POFUT3: variants seen among roughly 807,000 people sequenced by gnomAD.
POFUT3 encodes GDP-fucose protein O-fucosyltransferase 3.
At chr8:33,417,690 G>A in the POFUT3 span, among the ~76,000 whole-genome samples, 1 of 152,110 alleles carries the variant, frequency 6.6e-6, no homozygotes, top group Non-Finnish European at 1.5e-5. Context: ...CAAGAAGGCT[G>A]AATAAGAAGC....
chr8:33,348,083 CAGG>C, the POFUT3 span, among the ~76,000 whole-genome samples: 2 of 150,194 alleles, frequency 1.3e-5, no homozygotes, highest in Non-Finnish European at 2.9e-5. Context: ...GAGGCTGAAG[CAGG>C]AGAATTCCTT....
chr8:33,422,408 G>A, the POFUT3 span, among the ~76,000 whole-genome samples: 1 of 151,784 alleles, frequency 6.6e-6, no homozygotes, highest in Non-Finnish European at 1.5e-5. Flanking sequence ...CGGGTGTGGT[G>A]GTGGGGGGTG....
At chr8:33,320,431 G>T in the POFUT3 span, among the ~76,000 whole-genome samples, 2 of 151,820 alleles carry the variant, frequency 1.3e-5, no homozygotes, top group East Asian at 1.9e-4. Context: ...AATTCTTCTG[G>T]CATGTTAGGA....
the POFUT3 span, among the ~76,000 whole-genome samples, chr8:33,462,169 G>A: frequency 1.7e-4 from 1 of 6,052 alleles, no homozygotes; most frequent in African/African-American, 7.6e-4. Context: ...AAGGGGAAGG[G>A]ACCAGAGTGG....
the POFUT3 span, among the ~76,000 whole-genome samples, chr8:33,323,585 A>T: frequency 2.6e-5 from 4 of 152,124 alleles, no homozygotes; most frequent in African/African-American, 9.7e-5. Context: ...GTAAGTAATG[A>T]GCTTGTCCCT....
At chr8:33,351,854 A>C in the POFUT3 span, among the ~76,000 whole-genome samples, 2 of 152,340 alleles carry the variant, frequency 1.3e-5, no homozygotes, top group Non-Finnish European at 2.9e-5. Context: ...AAAAACTAGC[A>C]AAGTCATTAG....
chr8:33,340,184 T>G, the POFUT3 span, among the ~76,000 whole-genome samples: 1 of 152,120 alleles, frequency 6.6e-6, no homozygotes, highest in African/African-American at 2.4e-5. Context: ...AAAGTTCGTG[T>G]ATATGTGATG....
the POFUT3 span, chr8:33,389,063 C>A: frequency 6.2e-7 from 1 of 1,614,190 alleles, no homozygotes; most frequent in East Asian, 2.2e-5. Context: ...TCCCCATTTC[C>A]GTTCCCTGAG....
chr8:33,396,549 T>C, the POFUT3 span, among the ~76,000 whole-genome samples: 1 of 152,308 alleles, frequency 6.6e-6, no homozygotes, highest in East Asian at 1.9e-4. Flanking sequence ...CCTAGGCTTC[T>C]ATTTTCCCTT....
chr8:33,343,316 T>C, the POFUT3 span, among the ~76,000 whole-genome samples: 3 of 152,208 alleles, frequency 2.0e-5, no homozygotes, highest in Admixed American at 6.5e-5. Context: ...CTTCATCTGA[T>C]GGATACTGAT....
chr8:33,338,310 A>G, the POFUT3 span, among the ~76,000 whole-genome samples: 1 of 151,694 alleles, frequency 6.6e-6, no homozygotes, highest in Non-Finnish European at 1.5e-5. Flanking sequence ...GGTGAATTCT[A>G]CCCAATTTTT....
the POFUT3 span, among the ~76,000 whole-genome samples, chr8:33,455,451 G>C: frequency 1.1e-4 from 17 of 152,124 alleles, no homozygotes; most frequent in Non-Finnish European, 2.9e-5. Context: ...TTGAGTCCAG[G>C]AGTTCAAGGC....
the POFUT3 span, among the ~76,000 whole-genome samples, chr8:33,330,122 T>C: frequency 1.2e-4 from 18 of 152,184 alleles, no homozygotes; most frequent in African/African-American, 4.1e-4. Flanking sequence ...AAGCACTCTC[T>C]TAGATATGGG....
chr8:33,419,757 A>G, the POFUT3 span, among the ~76,000 whole-genome samples: 1 of 152,240 alleles, frequency 6.6e-6, no homozygotes, highest in South Asian at 2.1e-4. Flanking sequence ...TCTGGGGGAA[A>G]AATAAAGTTG....
the POFUT3 span, chr8:33,452,668 ATACT>A: frequency 7.0e-6 from 1 of 142,680 alleles, no homozygotes; most frequent in Non-Finnish European, 1.5e-5. Context: ...TCTAAATAAC[ATACT>A]TAGATTGTTA....
At chr8:33,453,305 C>A in the POFUT3 span, 1 of 1,614,206 alleles carries the variant, frequency 6.2e-7, no homozygotes. Flanking sequence ...TTGGCCTAAC[C>A]TCCCAGTCTC....
At chr8:33,372,156 T>C in the POFUT3 span, 5 of 992,088 alleles carry the variant, frequency 5.0e-6, no homozygotes, top group South Asian at 9.2e-5. Context: ...CAAGTTCTAA[T>C]GTATTTCATG....
chr8:33,349,268 T>G, the POFUT3 span, among the ~76,000 whole-genome samples: 1 of 152,160 alleles, frequency 6.6e-6, no homozygotes, highest in Non-Finnish European at 1.5e-5. Flanking sequence ...TCTCCTTGCT[T>G]TTTTCACAAG....
At chr8:33,390,205 TACACACACACA>T in the POFUT3 span, among the ~76,000 whole-genome samples, 200 of 145,786 alleles carry the variant, frequency 1.4e-3, no homozygotes, top group African/African-American at 5.0e-3. Context: ...GTGTGTGTCA[TACACACACACA>T]CACACACACA....
Sources: gnomAD v4.1 joint callset for allele counts (sites outside exome capture counted in the v4.1 genomes callset) on GRCh38, gnomAD v4.1.1 for gene constraint, MANE v1.5 for transcripts, NCBI Gene and HGNC (gene_info 2026-07-23, HGNC 2026-07-21) for gene names.